The following CGRRF1 variants were observed in gnomAD, a reference collection of about 807,000 sequenced individuals.
CGRRF1 encodes the protein cell growth regulator with RING finger domain protein 1.
Under a neutral mutation model 37.2 loss-of-function variants are expected in CGRRF1, and 32 were observed. That is an observed-to-expected ratio of 0.86 (90% confidence interval 0.65 to 1.16). The LOEUF is 1.16. Among genes scored for constraint, CGRRF1 ranks in the 50% most tolerant of loss-of-function variants. The pLI, the probability that CGRRF1 is intolerant of heterozygous loss-of-function variation, is 0.00. For synonymous variants in CGRRF1, 141 were observed against 140.3 expected, an observed-to-expected ratio of 1.00 and a Z score of -0.04; for missense variants, 391 against 382.6, an observed-to-expected ratio of 1.02 and a Z score of -0.18.
At chr14:54,516,260 T>C (rs1396483357) in intron 1 of CGRRF1, among the ~76,000 whole-genome samples, 1 of 152,210 alleles carries the variant, frequency 6.6e-6, no homozygotes, top group African/African-American at 2.4e-5. Context: ...TATTTCTTTG[T>C]ATCAATCCAG....
chr14:54,525,325 CA>C (rs2032394435), intron 2 of CGRRF1, among the ~76,000 whole-genome samples: 1 of 152,140 alleles, frequency 6.6e-6, no homozygotes, highest in Admixed American at 6.5e-5. Flanking sequence ...GCTTTTCAGG[CA>C]GAAATAGTCA....
chr14:54,515,474 A>G (rs1038235771), intron 1 of CGRRF1, among the ~76,000 whole-genome samples: 11 of 152,076 alleles, frequency 7.2e-5, no homozygotes, highest in South Asian at 2.1e-4. Context: ...CTGATTTTCT[A>G]TATATTGGAG....
intron 4 of CGRRF1, among the ~76,000 whole-genome samples, chr14:54,535,672 A>G (rs2032590260): frequency 6.6e-6 from 1 of 152,138 alleles, no homozygotes; most frequent in Non-Finnish European, 1.5e-5. Flanking sequence ...TTATTAAAAA[A>G]AATTTTTTTG....
intron 1 of CGRRF1, among the ~76,000 whole-genome samples, chr14:54,521,016 A>G (rs1390825810): frequency 6.6e-6 from 1 of 152,186 alleles, no homozygotes; most frequent in African/African-American, 2.4e-5. Context: ...TGAGTAAAGT[A>G]GCTGTTTTTT....
chr14:54,521,828 A>G (rs1183393589), intron 1 of CGRRF1, among the ~76,000 whole-genome samples: 2 of 152,114 alleles, frequency 1.3e-5, no homozygotes, highest in South Asian at 2.1e-4. Context: ...TCTTGAATAT[A>G]TATTTCTTTT....
At chr14:54,513,618 A>ATGTAATGTT (rs1566506197) in intron 1 of CGRRF1, among the ~76,000 whole-genome samples, 209 of 59,516 alleles carry the variant, frequency 3.5e-3, no homozygotes, top group African/African-American at 9.8e-3. Flanking sequence ...TATGTTATGT[A>ATGTAATGTT]ATGTTATGTT....
chr14:54,517,924 T>C (rs2032244218), intron 1 of CGRRF1, among the ~76,000 whole-genome samples: 3 of 152,242 alleles, frequency 2.0e-5, no homozygotes, highest in Admixed American at 6.5e-5. Context: ...GGCTTCCAGC[T>C]TGACGCATTT....
chr14:54,527,622 C>G (rs1029441878), intron 2 of CGRRF1, among the ~76,000 whole-genome samples: 2 of 151,962 alleles, frequency 1.3e-5, no homozygotes, highest in African/African-American at 2.4e-5. Context: ...AGTCTATAAA[C>G]GAGTCTCTTA....
intron 1 of CGRRF1, among the ~76,000 whole-genome samples, chr14:54,510,679 C>T (rs1156719399): frequency 6.6e-6 from 1 of 152,076 alleles, no homozygotes; most frequent in Non-Finnish European, 1.5e-5. Context: ...TATGTAACAC[C>T]GAGGGTAGGA....
At chr14:54,524,844 C>T (rs1324887710) in intron 2 of CGRRF1, among the ~76,000 whole-genome samples, 1 of 152,044 alleles carries the variant, frequency 6.6e-6, no homozygotes, top group East Asian at 1.9e-4. Context: ...TTGAGAAAAC[C>T]AAATTTTGAG....
chr14:54,537,153 C>T (rs2032612991), intron 4 of CGRRF1: 2 of 152,082 alleles, frequency 1.3e-5, no homozygotes, highest in Admixed American at 1.3e-4. Flanking sequence ...GACTGTTTAT[C>T]CTGTTTCATC....
At chr14:54,530,340 A>G (rs2032492124) in intron 3 of CGRRF1, 114 bp downstream of exon 3, 1 of 1,299,766 alleles carries the variant, frequency 7.7e-7, no homozygotes. Context: ...ATTGCTTCAG[A>G]ATAAGCACTC....
At chr14:54,519,553 G>C (rs1361135376) in intron 1 of CGRRF1, among the ~76,000 whole-genome samples, 1 of 151,840 alleles carries the variant, frequency 6.6e-6, no homozygotes. Flanking sequence ...ACCCAGCCTA[G>C]GACCAAGTCT....
chr14:54,523,458 A>G (rs944152979), intron 2 of CGRRF1, among the ~76,000 whole-genome samples: 22 of 152,224 alleles, frequency 1.4e-4, no homozygotes, highest in African/African-American at 5.1e-4. Context: ...AAATTTGTTA[A>G]GGTGAAGAGG....
At chr14:54,535,604 T>C (rs77290861) in intron 4 of CGRRF1, among the ~76,000 whole-genome samples, 13,298 of 152,152 alleles carry the variant, frequency 0.087, 652 homozygotes, top group African/African-American at 0.12. Context: ...CTCTTCTGTT[T>C]TTTTCTCCCC....
chr14:54,513,313 G>A (rs532163408), intron 1 of CGRRF1, among the ~76,000 whole-genome samples: 2 of 152,342 alleles, frequency 1.3e-5, no homozygotes, highest in East Asian at 3.9e-4. Flanking sequence ...TTCTGAAGCT[G>A]TGTGCTGGAG....
chr14:54,520,385 G>A (rs1435868977), intron 1 of CGRRF1, among the ~76,000 whole-genome samples: 3 of 152,048 alleles, frequency 2.0e-5, no homozygotes, highest in East Asian at 1.9e-4. Context: ...CATCCGCCTC[G>A]GCCTCCCAAA....
chr14:54,513,474 G>A (rs17127615), intron 1 of CGRRF1, among the ~76,000 whole-genome samples: 13,364 of 152,204 alleles, frequency 0.088, 666 homozygotes, highest in African/African-American at 0.11. Flanking sequence ...GCGTTAGATC[G>A]GTCAAGTCTT....
In CGRRF1 at chr14:54,535,675, T is replaced by A. The variant is rs72711673; in HGVS notation, c.571-2047T>A. Among the ~76,000 whole-genome samples the A allele has an allele frequency of 8.3e-3, 1,256 of 152,242 alleles. 5 individuals are homozygous for A. The highest frequency in any genetic ancestry group is 0.012 in the Non-Finnish European group (824 of 67,996). On this transcript the variant is annotated intron_variant, in intron 4 of 5. Transcript: ENST00000216420. Reference sequence around the variant, plus strand: ...ATATCCTGCTTTTTATTAAAAAAAATTTTTTTGTCCTAGATTTAACATCCA... The same window carrying A: ...ATATCCTGCTTTTTATTAAAAAAAAATTTTTTGTCCTAGATTTAACATCCA...
Sources: gnomAD v4.1 joint callset for allele counts (sites outside exome capture counted in the v4.1 genomes callset) on GRCh38, gnomAD v4.1.1 for gene constraint, MANE v1.5 for transcripts, NCBI Gene and HGNC (gene_info 2026-07-23, HGNC 2026-07-21) for gene names.